The following R3HDM2 variants were observed in gnomAD, a reference collection of about 807,000 sequenced individuals.
The protein encoded by R3HDM2 is R3H domain containing 2, also known as R3H domain-containing protein 2.
R3HDM2 carries 38 observed loss-of-function variants against 124.5 expected under a neutral mutation model. That is an observed-to-expected ratio of 0.31 (90% CI 0.24 to 0.40). R3HDM2 has a LOEUF of 0.40. Ranked by LOEUF, R3HDM2 falls within the 10% of genes least tolerant of loss-of-function variation. The probability of loss-of-function intolerance (pLI) is 1.00; values close to 1 mark genes in which losing one functional copy is unlikely to be tolerated. For missense variants in R3HDM2, 869 were observed against 1,236.9 expected (o/e 0.70, Z 4.46); for synonymous variants, 391 against 448.0 (o/e 0.87, Z 1.61).
At chr12:57,272,544 G>A (rs2043802480) in intron 14 of R3HDM2, 11 of 1,536,548 alleles carry the variant, frequency 7.2e-6, no homozygotes, top group Non-Finnish European at 9.6e-6. Flanking sequence ...GGGCTGCAGA[G>A]CCGGGACTGG....
chr12:57,257,919 C>T, intron 21 of R3HDM2, 71 bp downstream of exon 21: 2 of 1,369,560 alleles, frequency 1.5e-6, no homozygotes, highest in Non-Finnish European at 9.6e-7. Context: ...GTTACTCTTT[C>T]AATCTCTGCA....
chr12:57,333,723 A>G (rs7294847), intron 2 of R3HDM2, among the ~76,000 whole-genome samples: 147,894 of 151,906 alleles, frequency 0.97, 72,120 homozygotes, highest in Middle Eastern at 1. Context: ...AAATATTTCT[A>G]GAGGGAAGGA....
rs761021651 is a variant in R3HDM2, at chr12:57,270,392, C to CTTGTTTTGTT, written c.1345-399_1345-398insAACAAAACAA. ...CTCCTGCCACCAAACCCGGCTAATTCTTATTTTGTTTTGTTTTGTTTTGTT... is the reference window on the plus strand; with the variant it reads ...CTCCTGCCACCAAACCCGGCTAATTCTTGTTTTGTTTTATTTTGTTTTGTTTTGTTTTGTT... On this transcript the variant is annotated intron_variant, in intron 14 of 23. Transcript: ENST00000402412. 7.0e-4 allele frequency among the ~76,000 whole-genome samples: 104 copies of CTTGTTTTGTT among 148,730 alleles called. 2 individuals carry two copies. Among genetic ancestry groups the CTTGTTTTGTT allele is most frequent in the African/African-American group, 1.9e-3 (75 of 40,152 alleles).
At chr12:57,274,823 CA>C (rs1161746054) in intron 14 of R3HDM2, among the ~76,000 whole-genome samples, 1 of 152,136 alleles carries the variant, frequency 6.6e-6, no homozygotes, top group East Asian at 1.9e-4. Flanking sequence ...ATAGATGATA[CA>C]AACAGATGGA....
Position 57,355,062 on chromosome 12 carries a change from A to C in R3HDM2, c.-36+40687T>G, listed in dbSNP as rs182276993. ...CCACCTCCCACAGTGCTGGGATTAC[A>C]GGCATAAGACACCACACCCGGATCT... On this transcript the variant is annotated intron_variant, in intron 2 of 23. Transcript: ENST00000402412. Among the ~76,000 whole-genome samples, 188 of 151,972 alleles carry C rather than the reference A, an allele frequency of 1.2e-3. 1 individual carries two copies. The highest frequency in any genetic ancestry group is 4.2e-3 in the African/African-American group (173 of 41,530).
At chr12:57,401,909 G>A (rs112083783) in intron 1 of R3HDM2, among the ~76,000 whole-genome samples, 5 of 152,034 alleles carry the variant, frequency 3.3e-5, no homozygotes, top group South Asian at 2.1e-4. Flanking sequence ...ACTTAGACCC[G>A]GGAGGTGGAG....
chr12:57,290,238 G>A (rs1406131993), intron 11 of R3HDM2, among the ~76,000 whole-genome samples: 1 of 152,144 alleles, frequency 6.6e-6, no homozygotes, highest in African/African-American at 2.4e-5. Context: ...TATCATAGTG[G>A]GGCAGTCATT....
Position 57,254,771 on chromosome 12 carries a change from AT to A in R3HDM2, c.*1del. 1 of 1,523,246 alleles carries A rather than the reference AT, an allele frequency of 6.6e-7. No individual in the cohort carries two copies. Among genetic ancestry groups the A allele is most frequent in the Non-Finnish European group, 9.0e-7 (1 of 1,115,918 alleles). 94.4% of individuals were successfully genotyped at this position (1,523,246 alleles called of 1,614,324 possible). ...TGTGACAGTCCCTTTCCCCTCCTCC[AT>A]TTATTGGGAGCTGGCTCGCTCCAGG... On this transcript the variant is annotated 3_prime_UTR_variant, in exon 24 of 24. Coordinates refer to ENST00000402412, the MANE Select transcript of R3HDM2 (RefSeq NM_001394031.1).
At chr12:57,257,257 G>C (rs1236056122) in intron 21 of R3HDM2, among the ~76,000 whole-genome samples, 1 of 152,152 alleles carries the variant, frequency 6.6e-6, no homozygotes, top group African/African-American at 2.4e-5. Flanking sequence ...TAGTGGCTCT[G>C]TTACTGGAAA....
chr12:57,331,398 C>T (rs1476212438), intron 2 of R3HDM2, among the ~76,000 whole-genome samples: 3 of 152,156 alleles, frequency 2.0e-5, no homozygotes, highest in Admixed American at 6.5e-5. Flanking sequence ...ATTTCCTTGA[C>T]TTTATTTTTC....
chr12:57,287,583 C>T (rs1209499957), intron 12 of R3HDM2, among the ~76,000 whole-genome samples: 1 of 152,132 alleles, frequency 6.6e-6, no homozygotes, highest in Non-Finnish European at 1.5e-5. Flanking sequence ...GAAAGGACAA[C>T]AGGGAAAGGA....
intron 2 of R3HDM2, among the ~76,000 whole-genome samples, chr12:57,317,668 T>TTA (rs2055399179): frequency 9.2e-6 from 1 of 108,112 alleles, no homozygotes; most frequent in African/African-American, 3.6e-5. Flanking sequence ...AGAAGATAGT[T>TTA]AAAAAAAAAA....
At position 57,381,167 on chromosome 12, in the gene R3HDM2, G is replaced by A. The variant is rs540535098; in HGVS notation, c.-36+14582C>T. ...AATCACTTGAACCCGGGAGGCAGAG[G>A]TTGCAGTGAGCTGATATCACGCCAT... On this transcript the variant is annotated intron_variant, in intron 2 of 23. Coordinates refer to ENST00000402412, the MANE Select transcript of R3HDM2 (RefSeq NM_001394031.1). 3.8e-4 allele frequency among the ~76,000 whole-genome samples: 58 copies of A among 152,188 alleles called. 1 individual carries two copies. The highest frequency in any genetic ancestry group is 3.3e-3 in the Admixed American group (50 of 15,260).
intron 2 of R3HDM2, among the ~76,000 whole-genome samples, chr12:57,361,375 CAAAAA>C (rs71084747): frequency 7.0e-5 from 4 of 57,352 alleles, no homozygotes; most frequent in Admixed American, 2.2e-4. Flanking sequence ...AACTCTGTCT[CAAAAA>C]AAAAAAAAAA....
At chr12:57,425,428 C>A (rs1415391326) in intron 1 of R3HDM2, among the ~76,000 whole-genome samples, 1 of 152,198 alleles carries the variant, frequency 6.6e-6, no homozygotes. Flanking sequence ...CTCTCCTAGG[C>A]CTGGCAGCTT....
intron 2 of R3HDM2, among the ~76,000 whole-genome samples, chr12:57,370,427 G>A (rs2063209398): frequency 7.2e-6 from 1 of 139,770 alleles, no homozygotes; most frequent in South Asian, 2.5e-4. Flanking sequence ...GATCACCTGA[G>A]GTCGGGAGTT....
At chr12:57,341,697 T>C (rs2059579558) in intron 2 of R3HDM2, among the ~76,000 whole-genome samples, 1 of 152,340 alleles carries the variant, frequency 6.6e-6, no homozygotes, top group South Asian at 2.1e-4. Flanking sequence ...CAAAGGCTTA[T>C]CACATTTAAA....
rs1201752530 is a variant in R3HDM2 at position 57,256,613 on chromosome 12, C to T, written c.2450-102G>A. 8.7e-6 allele frequency: 7 copies of T among 803,252 alleles called. No homozygotes were observed. In the Admixed American group the frequency reaches 1.2e-4, roughly 14 times the overall value. The allele number at this position is 803,252 out of a possible 1,614,324, so 49.8% of individuals were successfully genotyped here. Reference sequence around the variant, plus strand: ...GGAGACAGCAACAATGCATACTATTCCTAATTTTCTATGATGGAAATGCCC... The same window carrying T: ...GGAGACAGCAACAATGCATACTATTTCTAATTTTCTATGATGGAAATGCCC... On this transcript the variant is annotated intron_variant, in intron 21 of 23. Coordinates refer to ENST00000402412, the MANE Select transcript of R3HDM2 (RefSeq NM_001394031.1).
At chr12:57,331,175 A>AC (rs1272434654) in intron 2 of R3HDM2, among the ~76,000 whole-genome samples, 1 of 151,674 alleles carries the variant, frequency 6.6e-6, no homozygotes, top group Non-Finnish European at 1.5e-5. Flanking sequence ...TTCCACTTTC[A>AC]CCCCTACCAT....
Sources: gnomAD v4.1 joint callset for allele counts (sites outside exome capture counted in the v4.1 genomes callset) on GRCh38, gnomAD v4.1.1 for gene constraint, MANE v1.5 for transcripts, NCBI Gene and HGNC (gene_info 2026-07-23, HGNC 2026-07-21) for gene names.